PP2D1: variants seen among roughly 807,000 people sequenced by gnomAD.
The protein encoded by PP2D1 is protein phosphatase 2C like domain containing 1.
In PP2D1, 25 loss-of-function variants were observed where a neutral mutation model predicts 30.2. The observed-to-expected ratio is 0.83, with a 90% CI of 0.60 to 1.16. The LOEUF (loss-of-function observed/expected upper bound fraction) is 1.16, where lower values mean the gene tolerates loss of function less well. Among genes scored for constraint, PP2D1 ranks in the 50% most tolerant of loss-of-function variants. PP2D1 has a pLI of 0.00. For missense variants in PP2D1, 760 were observed against 742.4 expected (o/e 1.02, Z -0.28); for synonymous variants, 260 against 258.9 (o/e 1.00, Z -0.04).
Position 20,012,136 on chromosome 3 carries a change from A to C in PP2D1, c.-64T>G. ...CCCTTCCCCTGGCCTCTATTTCTCC[A>C]ACTTGAGTAGTGATGGTGATGGTGG... On this transcript the variant is annotated 5_prime_UTR_variant, in exon 1 of 3. Coordinates refer to ENST00000389050, the MANE Select transcript of PP2D1 (RefSeq NM_001252657.2). The C allele has an allele frequency of 3.0e-6, 4 of 1,347,034 alleles. No homozygotes were observed. The highest frequency in any genetic ancestry group is 4.1e-6 in the Non-Finnish European group (4 of 981,574). 83.4% of individuals were successfully genotyped at this position (1,347,034 alleles called of 1,614,324 possible). A position where few individuals can be genotyped will look rare whatever the true frequency, so the allele number is the denominator to read the frequency against.
chr3:19,986,083 T>C lies in PP2D1; in HGVS notation c.1190A>G (p.Asn397Ser). The stretch of plus-strand genomic sequence containing the variant: ...TTCATTTGAACTAATGACTGCTCCA[T>C]TCTGAAGTATTCTTCTTCTTTCATT... ...NTNERRRILQ[N>S]GAVISSNEPY... is the part of the protein sequence containing the mutation. The change falls in exon 3 of 3, where the codon AAT (asparagine) becomes AGT (serine). Residue 397 changes from asparagine to serine, a missense_variant. Asn to Ser is a conservative substitution (Grantham distance 46). Coordinates refer to ENST00000389050, the MANE Select transcript of PP2D1 (RefSeq NM_001252657.2). 6.5e-7 allele frequency: 1 copy of C among 1,536,044 alleles called. No homozygotes were observed. The highest frequency in any genetic ancestry group is 8.7e-7 in the Non-Finnish European group (1 of 1,146,826).
At chr3:19,985,329 T>G (rs1358591004), downstream of PP2D1, 3 of 1,245,692 alleles carry the variant, frequency 2.4e-6, no homozygotes, top group Non-Finnish European at 3.3e-6. Context: ...GCTGGATCAT[T>G]GAAGAATCAC....
At chr3:19,982,776 AAAGAG>A (rs1006757653), downstream of PP2D1, among the ~76,000 whole-genome samples, 2 of 151,920 alleles carry the variant, frequency 1.3e-5, no homozygotes, top group East Asian at 1.9e-4. Context: ...AAAAAAAAAA[AAAGAG>A]AGCATGTATA....
intron 1 of PP2D1, among the ~76,000 whole-genome samples, chr3:20,005,348 C>T (rs552505165): frequency 6.6e-6 from 1 of 151,938 alleles, no homozygotes; most frequent in Non-Finnish European, 1.5e-5. Flanking sequence ...GACAGTGTTT[C>T]TCCATGTTGG....
chr3:19,980,686 A>T (rs1030727975), downstream of PP2D1, among the ~76,000 whole-genome samples: 1 of 152,202 alleles, frequency 6.6e-6, no homozygotes, highest in Non-Finnish European at 1.5e-5. Context: ...TACAATATAT[A>T]GTGCTATTTT....
At chr3:19,983,229 G>A (rs1295990045), downstream of PP2D1, among the ~76,000 whole-genome samples, 5 of 151,486 alleles carry the variant, frequency 3.3e-5, no homozygotes. Flanking sequence ...CCAGCTACTC[G>A]AGAGGCCAAG....
At position 19,997,197 on chromosome 3, in the gene PP2D1, G is replaced by A. The variant is rs1012066261; in HGVS notation, c.1090+3833C>T. Among the ~76,000 whole-genome samples, 3 of 140,980 alleles carry A rather than the reference G, an allele frequency of 2.1e-5. No individual in the cohort carries two copies. In the South Asian group the frequency reaches 6.8e-4, roughly 32 times the overall value. The allele number at this position is 140,980 out of a possible 152,430, so 92.5% of individuals were successfully genotyped here. A position where few individuals can be genotyped will look rare whatever the true frequency, so the allele number is the denominator to read the frequency against. On this transcript the variant is annotated intron_variant, in intron 2 of 2. Transcript: ENST00000389050. Reference sequence around the variant, plus strand: ...CATGGGGAGCAGATCCCACTACTGAGTATGATAAATAGCCCACCGTGACGA... The same window carrying A: ...CATGGGGAGCAGATCCCACTACTGAATATGATAAATAGCCCACCGTGACGA...
rs1415782697 is a variant in PP2D1 at position 20,001,352 on chromosome 3, T to C, written c.768A>G (p.Arg256=). 6 of 1,536,038 alleles carry C rather than the reference T, an allele frequency of 3.9e-6. No individual in the cohort carries two copies. The highest frequency in any genetic ancestry group is 5.2e-6 in the Non-Finnish European group (6 of 1,146,762). Residue 256 remains arginine, a synonymous_variant, in exon 2 of 3, where the codon AGA becomes AGG. Coordinates refer to ENST00000389050, the MANE Select transcript of PP2D1 (RefSeq NM_001252657.2). ...QIINSFYTVF[R]EEYAAIEDLF... is the part of the protein sequence containing the mutation. Reference sequence around the variant, plus strand: ...GGTCTTCTATTGCTGCGTATTCTTCTCTAAACACAGTGTAAAAGGAATTGA... The same window carrying C: ...GGTCTTCTATTGCTGCGTATTCTTCCCTAAACACAGTGTAAAAGGAATTGA...
Position 19,985,688 on chromosome 3 carries a change from T to C in PP2D1, c.1585A>G (p.Asn529Asp). 6.5e-7 allele frequency: 1 copy of C among 1,535,922 alleles called. No individual in the cohort carries two copies. The highest frequency in any genetic ancestry group is 8.7e-7 in the Non-Finnish European group (1 of 1,146,690). The part of the protein sequence containing the change: ...SVSEVRVSTT[N>D]SKENLSDSNY... Reference sequence around the variant, plus strand: ...GAATCGGATAAATTTTCTTTGGAATTTGTAGTTGACACACGTACTTCAGAT... The same window carrying C: ...GAATCGGATAAATTTTCTTTGGAATCTGTAGTTGACACACGTACTTCAGAT... Residue 529 changes from asparagine to aspartate, a missense_variant, in exon 3 of 3, where the codon AAT becomes GAT. This residue lies in a region of PP2D1 where 369 missense variants were observed against 316.2 expected (regional missense o/e 1.17). Coordinates refer to ENST00000389050, the MANE Select transcript of PP2D1 (RefSeq NM_001252657.2).
chr3:19,995,743 CAT>C (rs773315428), intron 2 of PP2D1, among the ~76,000 whole-genome samples: 2 of 152,186 alleles, frequency 1.3e-5, no homozygotes, highest in Non-Finnish European at 2.9e-5. Context: ...AAGTTAGAGA[CAT>C]ATATGATTTT....
intron 2 of PP2D1, among the ~76,000 whole-genome samples, chr3:19,998,918 A>G (rs975857623): frequency 2.6e-5 from 4 of 152,144 alleles, no homozygotes; most frequent in African/African-American, 9.7e-5. Flanking sequence ...TCATGACCTC[A>G]GGTTCTCTCT....
At position 20,002,938 on chromosome 3, in the gene PP2D1, C is replaced by T. The variant is rs565430880; in HGVS notation, c.24-842G>A. On this transcript the variant is annotated intron_variant, in intron 1 of 2. Transcript: ENST00000389050. Reference sequence around the variant, plus strand: ...GGCATGGTGGCAGGTGCCTGTAATCCCAGTTACTCAGGAGGCTGAGGCAGG... The same window carrying T: ...GGCATGGTGGCAGGTGCCTGTAATCTCAGTTACTCAGGAGGCTGAGGCAGG... Among the ~76,000 whole-genome samples the T allele has an allele frequency of 1.2e-3, 189 of 151,996 alleles. 1 individual carries two copies. In the South Asian group the frequency reaches 0.018, roughly 14 times the overall value.
downstream of PP2D1, among the ~76,000 whole-genome samples, chr3:19,982,149 G>C (rs1161169643): frequency 1.3e-5 from 2 of 151,986 alleles, no homozygotes; most frequent in Non-Finnish European, 2.9e-5. Context: ...GAGGTGGGAG[G>C]ATCTTTTGAG....
intron 2 of PP2D1, among the ~76,000 whole-genome samples, chr3:19,990,811 G>A (rs1026167951): frequency 6.7e-6 from 1 of 150,288 alleles, no homozygotes; most frequent in African/African-American, 2.5e-5. Context: ...GTGCAGTGGC[G>A]CGATCTCGGC....
downstream of PP2D1, among the ~76,000 whole-genome samples, chr3:19,983,296 A>C (rs569946410): frequency 1.4e-5 from 2 of 143,100 alleles, no homozygotes; most frequent in Admixed American, 1.5e-4. Flanking sequence ...AGATCACGCC[A>C]TTGCACTCCA....
intron 1 of PP2D1, among the ~76,000 whole-genome samples, chr3:20,005,163 T>G (rs1194186162): frequency 6.6e-6 from 1 of 151,832 alleles, no homozygotes; most frequent in East Asian, 1.9e-4. Flanking sequence ...TTAAATTTAT[T>G]TTTTTTGAGA....
In PP2D1 at chr3:19,985,755, T is replaced by G. The variant is rs955255903; in HGVS notation, c.1518A>C (p.Lys506Asn). 4 of 1,536,094 alleles carry G rather than the reference T, an allele frequency of 2.6e-6. No homozygotes were observed. The highest frequency in any genetic ancestry group is 3.5e-6 in the Non-Finnish European group (4 of 1,146,864). Residue 506 changes from lysine to asparagine, a missense_variant, in exon 3 of 3, where the codon AAA becomes AAC. Lys to Asn is a moderately conservative substitution (Grantham distance 94). Transcript: ENST00000389050. ...ACAATACGTGGATATTACTCTGTGA[T>G]TTAGTAAGGTTTGGTTCACTGGTTG... ...LFSTSEPNLT[K>N]SQSNIHVLFQ... is the part of the protein sequence containing the mutation.
At chr3:19,994,123 A>G (rs1189402207) in intron 2 of PP2D1, among the ~76,000 whole-genome samples, 2 of 152,120 alleles carry the variant, frequency 1.3e-5, no homozygotes, top group African/African-American at 4.8e-5. Flanking sequence ...TAAATGGCTC[A>G]CCACAACAAA....
downstream of PP2D1, chr3:19,984,257 TAGCC>T (rs1366064860): frequency 2.3e-6 from 1 of 431,148 alleles, no homozygotes; most frequent in African/African-American, 2.1e-5. Flanking sequence ...TTATGATGCT[TAGCC>T]ATAGTATTCA....
Sources: allele counts gnomAD v4.1 joint callset (sites outside exome capture counted in the v4.1 genomes callset), GRCh38; gene constraint gnomAD v4.1.1; regional missense constraint gnomAD v4.1.1; transcripts MANE v1.5; gene names NCBI Gene and HGNC (gene_info 2026-07-23, HGNC 2026-07-21).